Variants in DDR2 observed in about 807,000 individuals in gnomAD.
The protein encoded by DDR2 is discoidin domain-containing receptor 2.
DDR2 carries 27 observed loss-of-function variants against 94.9 expected under a neutral mutation model. The ratio of observed to expected loss-of-function variants is 0.28; its 90% CI spans 0.21 to 0.39. The LOEUF (loss-of-function observed/expected upper bound fraction) is 0.39. Among genes scored for constraint, DDR2 ranks in the 10% least tolerant of loss-of-function variants. The pLI is 1.00. For synonymous variants in DDR2, 382 were observed against 377.2 expected, an observed-to-expected ratio of 1.01 and a Z score of -0.15; for missense variants, 783 against 1,076.0, an observed-to-expected ratio of 0.73 and a Z score of 3.81.
At chr1:162,673,613 G>C (rs1173750660) in intron 2 of DDR2, among the ~76,000 whole-genome samples, 1 of 91,808 alleles carries the variant, frequency 1.1e-5, no homozygotes, top group South Asian at 3.1e-4. Context: ...GTGTGTGAGA[G>C]AGAGAGAGAG....
intron 2 of DDR2, among the ~76,000 whole-genome samples, chr1:162,656,856 T>A (rs1286340373): frequency 1.5e-5 from 2 of 135,562 alleles, no homozygotes; most frequent in South Asian, 2.5e-4. Flanking sequence ...TTTTATTTTT[T>A]TTGTTAACAG....
At chr1:162,638,173 A>G (rs1656932311) in intron 1 of DDR2, among the ~76,000 whole-genome samples, 1 of 152,112 alleles carries the variant, frequency 6.6e-6, no homozygotes, top group African/African-American at 2.4e-5. Context: ...GACACCCGCC[A>G]CCAAGCCCAG....
At chr1:162,696,691 G>A (rs917089867) in intron 2 of DDR2, among the ~76,000 whole-genome samples, 1 of 152,008 alleles carries the variant, frequency 6.6e-6, no homozygotes, top group Admixed American at 6.6e-5. Flanking sequence ...CCTGGCTGGA[G>A]CCTAAACCAG....
At chr1:162,632,915 A>C (rs573684659) in intron 1 of DDR2, among the ~76,000 whole-genome samples, 1 of 152,242 alleles carries the variant, frequency 6.6e-6, no homozygotes, top group Admixed American at 6.5e-5. Flanking sequence ...AAGATACAAT[A>C]AACAGTGTTA....
At position 162,698,546 on chromosome 1, in the gene DDR2, G is replaced by C. The variant is rs12744720; in HGVS notation, c.-27-20491G>C. Among the ~76,000 whole-genome samples, 383 of 152,216 alleles carry C rather than the reference G, an allele frequency of 2.5e-3. 2 individuals carry two copies. The highest frequency in any genetic ancestry group is 4.2e-3 in the Non-Finnish European group (284 of 68,022). ...CATGGTGAATATTTTTCAGGCAAAT[G>C]GGGGGAATCGTTTCCATTTCAAGCT... On this transcript the variant is annotated intron_variant, in intron 2 of 17. Coordinates refer to ENST00000367921, the MANE Select transcript of DDR2 (RefSeq NM_006182.4).
intron 2 of DDR2, among the ~76,000 whole-genome samples, chr1:162,703,332 A>T (rs1660514348): frequency 6.6e-6 from 1 of 152,230 alleles, no homozygotes; most frequent in South Asian, 2.1e-4. Flanking sequence ...GAATGTTATC[A>T]ACATCAATGA....
intron 2 of DDR2, among the ~76,000 whole-genome samples, chr1:162,711,793 C>CAT (rs1044527086): frequency 1.3e-5 from 2 of 151,188 alleles, no homozygotes; most frequent in Non-Finnish European, 2.9e-5. Context: ...CACACACATA[C>CAT]ATATATACAC....
chr1:162,649,917 T>C (rs755783959), intron 1 of DDR2, among the ~76,000 whole-genome samples: 1 of 152,194 alleles, frequency 6.6e-6, no homozygotes, highest in Non-Finnish European at 1.5e-5. Context: ...CCCTTTGGGT[T>C]TGGGTTTTCT....
At chr1:162,759,256 T>C (rs1176358139) in intron 7 of DDR2, among the ~76,000 whole-genome samples, 1 of 152,084 alleles carries the variant, frequency 6.6e-6, no homozygotes, top group African/African-American at 2.4e-5. Flanking sequence ...TAGAAGAGAG[T>C]GTGACTGGAT....
chr1:162,770,187 G>T, intron 11 of DDR2, 115 bp from the exon 12 acceptor site: 1 of 1,046,140 alleles, frequency 9.6e-7, no homozygotes, highest in Non-Finnish European at 1.5e-6. Flanking sequence ...TGTTGCTGGG[G>T]TTAAACAGTA....
intron 2 of DDR2, among the ~76,000 whole-genome samples, chr1:162,679,678 A>G (rs1230578727): frequency 2.6e-5 from 4 of 152,202 alleles, no homozygotes; most frequent in Non-Finnish European, 5.9e-5. Flanking sequence ...TTGCTGGGTC[A>G]AACGGTAATT....
intron 3 of DDR2, among the ~76,000 whole-genome samples, chr1:162,729,300 A>ATATT (rs1416872679): frequency 1.1e-5 from 1 of 94,016 alleles, no homozygotes; most frequent in Non-Finnish European, 1.8e-5. Flanking sequence ...ATATATATAT[A>ATATT]TTTTTTTTTT....
rs534003876 is a variant in DDR2, at chr1:162,718,964, A to C, written c.-27-73A>C. The C allele has an allele frequency of 4.3e-6, 6 of 1,411,692 alleles. No homozygotes were observed. The South Asian group carries it at 6.9e-5, about 16-fold the overall frequency. The allele number at this position is 1,411,692 out of a possible 1,614,324, so 87.4% of individuals were successfully genotyped here. A position where few individuals can be genotyped will look rare whatever the true frequency, so the allele number is the denominator to read the frequency against. On this transcript the variant is annotated intron_variant, in intron 2 of 17. Transcript: ENST00000367921. ...TTAATTGTGAGAATTGTACTCATTC[A>C]TGTTGGCAGTATCTGCCTCACTCAT...
chr1:162,655,163 G>A (rs1161366568), intron 1 of DDR2, 48 bp from the exon 2 acceptor site: 2 of 152,160 alleles, frequency 1.3e-5, no homozygotes, highest in East Asian at 1.9e-4. Context: ...AAAGAAATGT[G>A]AATGGAACCA....
intron 2 of DDR2, among the ~76,000 whole-genome samples, chr1:162,659,537 A>G (rs4657217): frequency 0.92 from 139,275 of 152,128 alleles, 64,308 homozygotes; most frequent in Middle Eastern, 0.98. Context: ...ATACTGGAAA[A>G]GAGGACACTT....
At chr1:162,768,484 G>A (rs1664107197) in intron 11 of DDR2, among the ~76,000 whole-genome samples, 1 of 152,170 alleles carries the variant, frequency 6.6e-6, no homozygotes, top group South Asian at 2.1e-4. Context: ...TCTGTGTTTG[G>A]GGGTGGGGAC....
chr1:162,769,373 G>A (rs930891807), intron 11 of DDR2, among the ~76,000 whole-genome samples: 5 of 152,156 alleles, frequency 3.3e-5, no homozygotes, highest in Non-Finnish European at 7.3e-5. Flanking sequence ...ACTTAACATA[G>A]CTGTAGACTG....
In DDR2 at chr1:162,782,086, A is replaced by G. The variant is rs920064237; in HGVS notation, c.*1840A>G. 6.6e-6 allele frequency: 1 copy of G among 152,354 alleles called. No individual in the cohort carries two copies. The highest frequency in any genetic ancestry group is 6.5e-5 in the Admixed American group (1 of 15,302). 9.4% of individuals were successfully genotyped at this position (152,354 alleles called of 1,614,324 possible). ...GTCCTATGCCTTTGGGCTTTAGTCT[A>G]TCCCAGGACTAACTGTGGAGAAATC... On this transcript the variant is annotated 3_prime_UTR_variant, in exon 18 of 18. Coordinates refer to ENST00000367921, the MANE Select transcript of DDR2 (RefSeq NM_006182.4).
chr1:162,752,119 T>C (rs937822163), intron 3 of DDR2, among the ~76,000 whole-genome samples: 9 of 151,478 alleles, frequency 5.9e-5, no homozygotes, highest in African/African-American at 2.2e-4. Context: ...ATTGTGCACA[T>C]GTACCCTACA....
Sources: allele counts gnomAD v4.1 joint callset (sites outside exome capture counted in the v4.1 genomes callset), GRCh38; gene constraint gnomAD v4.1.1; transcripts MANE v1.5; gene names NCBI Gene and HGNC (gene_info 2026-07-23, HGNC 2026-07-21).